The following SNTG2 variants were observed in gnomAD, a reference collection of about 807,000 sequenced individuals.
SNTG2 encodes the protein gamma-2-syntrophin.
Under a neutral mutation model 70.9 loss-of-function variants are expected in SNTG2, and 74 were observed. The observed-to-expected ratio is 1.04, with a 90% CI of 0.86 to 1.27. The LOEUF is 1.27. Ranked by LOEUF, SNTG2 falls within the 50% of genes most tolerant of loss-of-function variation. SNTG2 has a pLI of 0.00. For missense variants in SNTG2, 717 were observed against 690.7 expected (o/e 1.04, Z -0.43); for synonymous variants, 278 against 273.8 (o/e 1.02, Z -0.15).
intron 1 of SNTG2, among the ~76,000 whole-genome samples, chr2:1,008,566 T>C (rs1219700199): frequency 6.6e-6 from 1 of 152,218 alleles, no homozygotes; most frequent in African/African-American, 2.4e-5. Context: ...TCAGACTAAA[T>C]GCCTGCTTAT....
Position 950,967 on chromosome 2 carries a change from C to T in SNTG2, c.-30C>T. The T allele has an allele frequency of 8.4e-7, 1 of 1,193,334 alleles. No individual in the cohort carries two copies. Among genetic ancestry groups the T allele is most frequent in the Non-Finnish European group, 1.0e-6 (1 of 955,412 alleles). 73.9% of individuals were successfully genotyped at this position (1,193,334 alleles called of 1,614,324 possible). A position where few individuals can be genotyped will look rare whatever the true frequency, so the allele number is the denominator to read the frequency against. Reference sequence around the variant, plus strand: ...GTCCTGGCGTTGAGCTCGGCCGGCCCGGAGCGCGGACCCAGCCGCAGGGGC... The same window carrying T: ...GTCCTGGCGTTGAGCTCGGCCGGCCTGGAGCGCGGACCCAGCCGCAGGGGC... On this transcript the variant is annotated 5_prime_UTR_variant, in exon 1 of 17. Coordinates refer to ENST00000308624, the MANE Select transcript of SNTG2 (RefSeq NM_018968.4).
intron 9 of SNTG2, among the ~76,000 whole-genome samples, chr2:1,218,272 T>C (rs560595814): frequency 6.6e-6 from 1 of 152,264 alleles, no homozygotes; most frequent in South Asian, 2.1e-4. Flanking sequence ...GTCAGCTGAG[T>C]TGAGACGTTG....
chr2:1,033,031 T>G (rs1660926726), intron 1 of SNTG2, among the ~76,000 whole-genome samples: 1 of 152,078 alleles, frequency 6.6e-6, no homozygotes, highest in Non-Finnish European at 1.5e-5. Flanking sequence ...TCACACACTT[T>G]TAAACAGTCA....
chr2:961,539 T>C (rs1660351488), intron 1 of SNTG2, among the ~76,000 whole-genome samples: 1 of 152,240 alleles, frequency 6.6e-6, no homozygotes, highest in South Asian at 2.1e-4. Context: ...AATGGTAGGA[T>C]TAGCCATTGA....
At chr2:1,039,175 A>G (rs1269509260) in intron 1 of SNTG2, among the ~76,000 whole-genome samples, 1 of 152,252 alleles carries the variant, frequency 6.6e-6, no homozygotes. Flanking sequence ...GACAACTTCA[A>G]CAGTAGTTGT....
intron 1 of SNTG2, among the ~76,000 whole-genome samples, chr2:1,062,372 A>C (rs906589040): frequency 5.9e-5 from 9 of 152,212 alleles, no homozygotes; most frequent in Non-Finnish European, 1.0e-4. Context: ...GGTGGATGGG[A>C]GCAGAGGAAT....
At chr2:1,134,328 T>C (rs1463053464) in intron 4 of SNTG2, among the ~76,000 whole-genome samples, 2 of 152,112 alleles carry the variant, frequency 1.3e-5, no homozygotes, top group Non-Finnish European at 2.9e-5. Flanking sequence ...TCCTGCTGAT[T>C]GGTCCATTTT....
chr2:1,140,719 T>C (rs1668693744), intron 6 of SNTG2, among the ~76,000 whole-genome samples: 1 of 152,172 alleles, frequency 6.6e-6, no homozygotes, highest in Non-Finnish European at 1.5e-5. Context: ...TCCAGTTCAG[T>C]GGGAAATTTT....
At position 1,083,565 on chromosome 2, in the gene SNTG2, C is replaced by A; in HGVS notation, c.120C>A (p.Ala40=). 1.9e-6 allele frequency: 3 copies of A among 1,613,706 alleles called. No homozygotes were observed. Among genetic ancestry groups the A allele is most frequent in the Non-Finnish European group, 8.5e-7 (1 of 1,179,724 alleles). Residue 40 remains alanine, a synonymous_variant, in exon 2 of 17, where the codon GCC becomes GCA. Coordinates refer to ENST00000308624, the MANE Select transcript of SNTG2 (RefSeq NM_018968.4). ...ALLYDEESEN[A]YDIRLKLTKE... ...TGTATGATGAAGAGTCCGAAAATGC[C>A]TATGACATCCGGCTGAAGCTGACGA...
At chr2:1,111,870 C>T (rs1003881842) in intron 4 of SNTG2, among the ~76,000 whole-genome samples, 1 of 147,856 alleles carries the variant, frequency 6.8e-6, no homozygotes, top group African/African-American at 2.5e-5. Context: ...AACCCTTATA[C>T]TCCTTTGAGG....
At chr2:1,352,466 G>T (rs975763584) in intron 16 of SNTG2, among the ~76,000 whole-genome samples, 1 of 152,172 alleles carries the variant, frequency 6.6e-6, no homozygotes, top group African/African-American at 2.4e-5. Context: ...CCTCCTAGCA[G>T]CTGGGCCCCG....
chr2:1,205,016 C>A (rs1395088455), intron 8 of SNTG2, among the ~76,000 whole-genome samples: 2 of 151,926 alleles, frequency 1.3e-5, no homozygotes, highest in Non-Finnish European at 2.9e-5. Context: ...TTTTAAAAAC[C>A]AAATAGAAAA....
At chr2:1,201,694 A>G (rs946522334) in intron 8 of SNTG2, among the ~76,000 whole-genome samples, 1 of 152,012 alleles carries the variant, frequency 6.6e-6, no homozygotes, top group Admixed American at 6.6e-5. Flanking sequence ...ATCATTATGC[A>G]TCATATGCAT....
At position 1,097,050 on chromosome 2, in the gene SNTG2, AAAAGG is replaced by A. The variant is rs1488429566; in HGVS notation, c.211-1144_211-1140del. On this transcript the variant is annotated intron_variant, in intron 2 of 16. Coordinates refer to ENST00000308624, the MANE Select transcript of SNTG2 (RefSeq NM_018968.4). The surrounding 1 kb of genome is among the most constrained non-coding windows in gnomAD (Gnocchi z 4.1). ...GTCAGTTAAAAATACTATATGTCCA[AAAAGG>A]ATCGAAATGGTAAAATTTCCAATTA... is the stretch of plus-strand genomic sequence containing the variant. Among the ~76,000 whole-genome samples the A allele has an allele frequency of 6.6e-6, 1 of 152,226 alleles. No homozygotes were observed. The highest frequency in any genetic ancestry group is 2.4e-5 in the African/African-American group (1 of 41,458).
chr2:1,222,237 T>G (rs961968665), intron 9 of SNTG2, among the ~76,000 whole-genome samples: 11 of 152,138 alleles, frequency 7.2e-5, no homozygotes, highest in Non-Finnish European at 1.6e-4. Flanking sequence ...GATTATTCGT[T>G]TTTTTTCATT....
intron 6 of SNTG2, among the ~76,000 whole-genome samples, chr2:1,146,705 T>C (rs1669131319): frequency 6.6e-6 from 1 of 152,190 alleles, no homozygotes; most frequent in South Asian, 2.1e-4. Context: ...ACAAATAGAT[T>C]AATGGAATGT....
intron 11 of SNTG2, among the ~76,000 whole-genome samples, chr2:1,247,087 A>C (rs1382303908): frequency 6.6e-6 from 1 of 152,244 alleles, no homozygotes; most frequent in Non-Finnish European, 1.5e-5. Context: ...CATTGGCCAA[A>C]ACTGAAAGTG....
chr2:1,081,554 C>G (rs1262149173), intron 1 of SNTG2, among the ~76,000 whole-genome samples: 1 of 152,244 alleles, frequency 6.6e-6, no homozygotes, highest in Non-Finnish European at 1.5e-5. Flanking sequence ...AGTCAGGCTG[C>G]AAAGGGCCAG....
chr2:1,244,554 G>A (rs962271179), intron 11 of SNTG2, among the ~76,000 whole-genome samples: 1 of 151,922 alleles, frequency 6.6e-6, no homozygotes, highest in Non-Finnish European at 1.5e-5. Flanking sequence ...AAATTAGCAG[G>A]GCGTGGTGGC....
Sources: gnomAD v4.1 joint callset for allele counts (sites outside exome capture counted in the v4.1 genomes callset) on GRCh38, gnomAD v4.1.1 for gene constraint, Gnocchi (gnomAD v3.1) non-coding constraint, MANE v1.5 for transcripts, NCBI Gene and HGNC (gene_info 2026-07-23, HGNC 2026-07-21) for gene names.